The following AASDH variants were observed in gnomAD, a reference collection of about 807,000 sequenced individuals.
AASDH encodes aminoadipate-semialdehyde dehydrogenase, also known as beta-alanine-activating enzyme.
Under a neutral mutation model 102.3 loss-of-function variants are expected in AASDH, and 81 were observed. The ratio of observed to expected loss-of-function variants is 0.79; its 90% CI spans 0.66 to 0.95. The LOEUF (loss-of-function observed/expected upper bound fraction) is 0.95. AASDH is among the 40% of genes least tolerant of loss of function. AASDH has a pLI of 0.00. For missense variants in AASDH, 1,203 were observed against 1,266.2 expected (o/e 0.95, Z 0.76); for synonymous variants, 398 against 454.0 (o/e 0.88, Z 1.57).
intron 1 of AASDH, among the ~76,000 whole-genome samples, chr4:56,387,052 G>T (rs1753652401): frequency 6.6e-6 from 1 of 152,126 alleles, no homozygotes; most frequent in Non-Finnish European, 1.5e-5. Flanking sequence ...TATGCAACGA[G>T]TAACAATGCA....
chr4:56,386,082 G>A (rs1037478118), intron 1 of AASDH, among the ~76,000 whole-genome samples: 3 of 152,122 alleles, frequency 2.0e-5, no homozygotes, highest in African/African-American at 7.2e-5. Flanking sequence ...GTTTGAAAAT[G>A]CTGTGATTTC....
At chr4:56,385,119 G>A (rs1753403624) in intron 1 of AASDH, among the ~76,000 whole-genome samples, 1 of 152,000 alleles carries the variant, frequency 6.6e-6, no homozygotes, top group African/African-American at 2.4e-5. Flanking sequence ...AATGACTAAT[G>A]TAAATAAACT....
chr4:56,372,774 A>G (rs1459118369), intron 4 of AASDH, among the ~76,000 whole-genome samples: 1 of 152,248 alleles, frequency 6.6e-6, no homozygotes, highest in East Asian at 1.9e-4. Flanking sequence ...ACAGTTTAAC[A>G]ACAGAAAAGC....
chr4:56,349,467 C>T lies in AASDH; in HGVS notation c.2284G>A (p.Asp762Asn), dbSNP rs1293988917. The change falls in exon 11 of 15, where the codon GAC becomes AAC. Residue 762 changes from aspartate (D) to asparagine (N), a missense_variant. Transcript: ENST00000205214. ...KMELHVRWRS[D>N]TGKCVDASPL... ...GAAGCATCTACACATTTGCCTGTGTCTGACCTCCACCTCACATGTAACTCC... is the reference window on the plus strand; with the variant it reads ...GAAGCATCTACACATTTGCCTGTGTTTGACCTCCACCTCACATGTAACTCC... 1 of 1,614,094 alleles carries T rather than the reference C, an allele frequency of 6.2e-7. No homozygotes were observed. The highest frequency in any genetic ancestry group is 1.3e-5 in the African/African-American group (1 of 74,946).
rs765936831 is a variant in AASDH, at chr4:56,354,690, C to A, written c.1210+15G>T. On this transcript the variant is annotated intron_variant, in intron 7 of 14. Transcript: ENST00000205214. Reference sequence around the variant, plus strand: ...TCTTGAAAAAAAAATTCCCAATCAACAAATATAAAACAACCTAAAAATACT... The same window carrying A: ...TCTTGAAAAAAAAATTCCCAATCAAAAAATATAAAACAACCTAAAAATACT... 1.9e-5 allele frequency: 29 copies of A among 1,561,572 alleles called. No individual in the cohort carries two copies. The highest frequency in any genetic ancestry group is 2.3e-5 in the Non-Finnish European group (27 of 1,155,254).
intron 11 of AASDH, 38 bp downstream of exon 11, chr4:56,349,225 T>C: frequency 1.3e-6 from 2 of 1,592,346 alleles, no homozygotes; most frequent in Non-Finnish European, 1.7e-6. Context: ...GTATGGTAAT[T>C]CAATTTAACT....
intron 14 of AASDH, among the ~76,000 whole-genome samples, chr4:56,339,348 T>C (rs932418918): frequency 6.6e-6 from 1 of 151,218 alleles, no homozygotes; most frequent in African/African-American, 2.4e-5. Flanking sequence ...GGTTTCACCA[T>C]GTTAGCCAGG....
chr4:56,367,795 C>G (rs1373810581), intron 5 of AASDH, among the ~76,000 whole-genome samples: 13 of 148,918 alleles, frequency 8.7e-5, no homozygotes, highest in African/African-American at 2.2e-4. Context: ...TACCATTCAG[C>G]ACATAGGCAT....
At chr4:56,341,994 C>A (rs534218908) in intron 14 of AASDH, among the ~76,000 whole-genome samples, 1 of 151,770 alleles carries the variant, frequency 6.6e-6, no homozygotes, top group South Asian at 2.1e-4. Flanking sequence ...CGCCTGTAGT[C>A]CCAGCTACTC....
At chr4:56,351,119 T>C (rs1370911499) in intron 10 of AASDH, among the ~76,000 whole-genome samples, 1 of 152,240 alleles carries the variant, frequency 6.6e-6, no homozygotes, top group African/African-American at 2.4e-5. Flanking sequence ...TTATGACTAC[T>C]TCACTTTCAA....
chr4:56,370,793 A>G (rs1751603543), intron 5 of AASDH, among the ~76,000 whole-genome samples: 2 of 152,224 alleles, frequency 1.3e-5, no homozygotes, highest in African/African-American at 2.4e-5. Flanking sequence ...TGAGATGGGT[A>G]TTATTTCCAT....
At chr4:56,359,226 A>G (rs1749998006) in intron 5 of AASDH, among the ~76,000 whole-genome samples, 1 of 151,842 alleles carries the variant, frequency 6.6e-6, no homozygotes, top group Non-Finnish European at 1.5e-5. Flanking sequence ...TGTTTATTAA[A>G]AAATATATGT....
intron 5 of AASDH, among the ~76,000 whole-genome samples, chr4:56,362,851 A>G (rs1326992883): frequency 1.3e-5 from 2 of 152,142 alleles, no homozygotes; most frequent in African/African-American, 2.4e-5. Flanking sequence ...CAACTGAGGT[A>G]CCAGGTTCAT....
At chr4:56,353,909 T>C in intron 8 of AASDH, 130 bp downstream of exon 8, 2 of 819,684 alleles carry the variant, frequency 2.4e-6, no homozygotes, top group Non-Finnish European at 3.6e-6. Flanking sequence ...ATTCATACCC[T>C]TTATTGTAAT....
At chr4:56,350,891 AC>A (rs1267889735) in intron 10 of AASDH, among the ~76,000 whole-genome samples, 2 of 152,220 alleles carry the variant, frequency 1.3e-5, no homozygotes, top group Non-Finnish European at 2.9e-5. Context: ...TTATTAACTT[AC>A]TGAGATATAT....
rs1232804822 is a variant in AASDH at position 56,338,361 on chromosome 4, A to AAAT, written c.*38_*40dup. On this transcript the variant is annotated 3_prime_UTR_variant, in exon 15 of 15. Coordinates refer to ENST00000205214, the MANE Select transcript of AASDH (RefSeq NM_181806.4). The stretch of plus-strand genomic sequence containing the variant: ...TGATGTATAATGGTAAAATATTTTC[A>AAAT]AATATCTCACATTTGTTATACAAAT... The AAAT allele has an allele frequency of 2.5e-6, 4 of 1,576,546 alleles. No homozygotes were observed. Among genetic ancestry groups the AAAT allele is most frequent in the East Asian group, 2.2e-5 (1 of 44,752 alleles).
intron 5 of AASDH, among the ~76,000 whole-genome samples, chr4:56,367,002 T>C (rs1751096686): frequency 6.6e-6 from 1 of 152,130 alleles, no homozygotes; most frequent in Non-Finnish European, 1.5e-5. Context: ...CTCCTTAAGC[T>C]GATAAGCAAC....
At chr4:56,383,981 G>T in intron 2 of AASDH, 89 bp downstream of exon 2, 1 of 1,151,136 alleles carries the variant, frequency 8.7e-7, no homozygotes, top group Non-Finnish European at 1.2e-6. Context: ...AAGTCCAATA[G>T]TAAACAGAAC....
chr4:56,349,136 A>G (rs1163203667), intron 11 of AASDH, 127 bp downstream of exon 11: 2 of 980,532 alleles, frequency 2.0e-6, no homozygotes, highest in Non-Finnish European at 3.0e-6. Flanking sequence ...GCACAGGGTT[A>G]ACTATAATTT....
Sources: allele counts gnomAD v4.1 joint callset (sites outside exome capture counted in the v4.1 genomes callset), GRCh38; gene constraint gnomAD v4.1.1; transcripts MANE v1.5; gene names NCBI Gene and HGNC (gene_info 2026-07-23, HGNC 2026-07-21).